PCM1: variants seen among roughly 807,000 people sequenced by gnomAD.
PCM1 encodes pericentriolar material 1.
In PCM1, 157 loss-of-function variants were observed where a neutral mutation model predicts 241.9. The observed-to-expected ratio is 0.65, with a 90% CI of 0.57 to 0.74. The LOEUF is 0.74. Ranked by LOEUF, PCM1 falls within the 30% of genes least tolerant of loss-of-function variation. The pLI is 0.00. For synonymous variants in PCM1, 1,085 were observed against 784.9 expected, an observed-to-expected ratio of 1.38 and a Z score of -6.39; for missense variants, 3,478 against 2,360.1, an observed-to-expected ratio of 1.47 and a Z score of -9.81.
chr8:17,966,838 G>A, intron 20 of PCM1, 142 bp from the exon 21 acceptor site: 1 of 732,144 alleles, frequency 1.4e-6, no homozygotes, highest in Non-Finnish European at 2.2e-6. Context: ...AAGCCTTATA[G>A]AGCAAGCACG....
At position 18,028,300 on chromosome 8, in the gene PCM1, C is replaced by T. The variant is rs1157969800; in HGVS notation, c.*638C>T. Reference sequence around the variant, plus strand: ...AGTTTAGAACATAGGTTCTCAGTATCTAGAACTTACATCATTATCATCTGT... The same window carrying T: ...AGTTTAGAACATAGGTTCTCAGTATTTAGAACTTACATCATTATCATCTGT... On this transcript the variant is annotated 3_prime_UTR_variant, in exon 39 of 39. Transcript: ENST00000325083. The T allele has an allele frequency of 1.6e-5, 2 of 121,282 alleles. No individual in the cohort carries two copies. The highest frequency in any genetic ancestry group is 3.2e-5 in the Non-Finnish European group (2 of 61,662). The allele number at this position is 121,282 out of a possible 1,614,324, so 7.5% of individuals were successfully genotyped here. A position where few individuals can be genotyped will look rare whatever the true frequency, so the allele number is the denominator to read the frequency against.
chr8:17,988,802 T>C (rs1389250777), intron 26 of PCM1, among the ~76,000 whole-genome samples: 6 of 151,824 alleles, frequency 4.0e-5, no homozygotes, highest in Admixed American at 3.3e-4. Context: ...AATGAAAAGA[T>C]TGACAATAAG....
intron 36 of PCM1, among the ~76,000 whole-genome samples, chr8:18,016,146 C>T (rs780682832): frequency 6.6e-6 from 1 of 152,200 alleles, no homozygotes; most frequent in Non-Finnish European, 1.5e-5. Context: ...CCTCAGCCTC[C>T]CAAAGTGCTG....
chr8:17,952,948 T>G, intron 8 of PCM1, 22 bp from the exon 9 acceptor site: 2 of 1,442,378 alleles, frequency 1.4e-6, no homozygotes, highest in Non-Finnish European at 1.9e-6. Context: ...ATTCTTCTTT[T>G]TTGTTGTTTT....
intron 2 of PCM1, among the ~76,000 whole-genome samples, chr8:17,928,283 T>A (rs554563308): frequency 4.7e-4 from 72 of 152,292 alleles, no homozygotes; most frequent in Middle Eastern, 3.4e-3. Flanking sequence ...TAGTCTCTCG[T>A]TTCCCTGAGT....
intron 24 of PCM1, 64 bp downstream of exon 24, chr8:17,980,819 A>T: frequency 7.8e-7 from 1 of 1,289,018 alleles, no homozygotes; most frequent in African/African-American, 1.5e-5. Flanking sequence ...AAAAGCTATA[A>T]TAAAGCAGGT....
intron 36 of PCM1, among the ~76,000 whole-genome samples, chr8:18,018,415 A>G (rs1448440887): frequency 6.6e-6 from 1 of 152,208 alleles, no homozygotes; most frequent in East Asian, 1.9e-4. Flanking sequence ...ATTCCAAGCC[A>G]TTGCCTAAAT....
intron 29 of PCM1, 78 bp from the exon 30 acceptor site, chr8:18,006,185 T>G: frequency 9.0e-7 from 1 of 1,113,818 alleles, no homozygotes; most frequent in Non-Finnish European, 1.2e-6. Flanking sequence ...AAAATTAACA[T>G]TTTGTATTAT....
At chr8:17,975,505 T>G (rs1053057549) in intron 23 of PCM1, among the ~76,000 whole-genome samples, 2 of 151,882 alleles carry the variant, frequency 1.3e-5, no homozygotes, top group Non-Finnish European at 2.9e-5. Flanking sequence ...TAGAGGTGGG[T>G]GGGGAAAAGT....
intron 22 of PCM1, among the ~76,000 whole-genome samples, chr8:17,970,222 G>C (rs2076378944): frequency 1.3e-5 from 2 of 152,154 alleles, no homozygotes; most frequent in Non-Finnish European, 1.5e-5. Flanking sequence ...TGATATTTAG[G>C]ATTTCTTCTG....
chr8:17,946,662 A>G (rs913302239), intron 6 of PCM1, among the ~76,000 whole-genome samples: 1 of 152,016 alleles, frequency 6.6e-6, no homozygotes, highest in Non-Finnish European at 1.5e-5. Flanking sequence ...ACACCCGGCT[A>G]ATTTTTGTAT....
intron 36 of PCM1, among the ~76,000 whole-genome samples, chr8:18,018,753 G>C (rs185863180): frequency 3.3e-5 from 5 of 150,382 alleles, no homozygotes; most frequent in Admixed American, 2.7e-4. Context: ...GGAGGTTGCA[G>C]TGAGCTGAGA....
In PCM1 at chr8:17,989,868, G is replaced by T; in HGVS notation, c.4420G>T (p.Glu1474Ter). 1 of 1,538,798 alleles carries T rather than the reference G, an allele frequency of 6.5e-7. No individual in the cohort carries two copies. Among genetic ancestry groups the T allele is most frequent in the South Asian group, 1.2e-5 (1 of 82,504 alleles). The part of the protein sequence containing the change: ...SLATTDDETF[E>*]KNFERETHKI... ...TTTTACTGTAACTTAGGAAACTTTTGAGAAGAACTTTGAAAGAGAAACCCA... is the reference window on the plus strand; with the variant it reads ...TTTTACTGTAACTTAGGAAACTTTTTAGAAGAACTTTGAAAGAGAAACCCA... Residue 1474 changes from glutamate (E) to a stop codon, truncating the protein, a stop_gained, in exon 27 of 39, where the codon GAG (glutamate) becomes TAG (stop). Transcript: ENST00000325083. LOFTEE classifies it high-confidence loss of function.
At chr8:17,985,787 G>T (rs146770504) in intron 25 of PCM1, among the ~76,000 whole-genome samples, 168 bp downstream of exon 25, 1 of 151,656 alleles carries the variant, frequency 6.6e-6, no homozygotes, top group Non-Finnish European at 1.5e-5. Context: ...TAGCATTAAA[G>T]TATTTTTTTT....
chr8:17,963,705 A>G (rs1187395947), intron 17 of PCM1, among the ~76,000 whole-genome samples: 3 of 152,166 alleles, frequency 2.0e-5, no homozygotes, highest in African/African-American at 7.2e-5. Context: ...ATAATCATTT[A>G]GTTTTTAGGA....
intron 12 of PCM1, 59 bp from the exon 13 acceptor site, chr8:17,957,481 G>T: frequency 1.2e-6 from 2 of 1,604,928 alleles, no homozygotes; most frequent in Non-Finnish European, 8.5e-7. Context: ...GTGGGTTTTC[G>T]TTCATGTGTG....
intron 10 of PCM1, 67 bp downstream of exon 10, chr8:17,955,720 A>G: frequency 8.9e-7 from 1 of 1,119,288 alleles, no homozygotes; most frequent in Non-Finnish European, 1.3e-6. Flanking sequence ...TTTTTTTTTT[A>G]TGTTGAAAAT....
At chr8:18,022,860 C>T (rs1444782167) in intron 36 of PCM1, among the ~76,000 whole-genome samples, 1 of 152,096 alleles carries the variant, frequency 6.6e-6, no homozygotes, top group African/African-American at 2.4e-5. Flanking sequence ...ACTCTAGAGG[C>T]AAATGGAATA....
At chr8:17,984,908 G>C (rs965617224) in intron 24 of PCM1, among the ~76,000 whole-genome samples, 3 of 151,748 alleles carry the variant, frequency 2.0e-5, no homozygotes, top group African/African-American at 7.3e-5. Context: ...TTACAGATTT[G>C]GTTACTCATC....
Sources: allele counts gnomAD v4.1 joint callset (sites outside exome capture counted in the v4.1 genomes callset), GRCh38; gene constraint gnomAD v4.1.1; transcripts MANE v1.5; gene names NCBI Gene and HGNC (gene_info 2026-07-23, HGNC 2026-07-21).